Variants in CACNA1C observed in about 807,000 individuals in gnomAD.
CACNA1C encodes calcium voltage-gated channel subunit alpha1 C.
CACNA1C carries 30 observed loss-of-function variants against 229.0 expected under a neutral mutation model. The observed-to-expected ratio is 0.13, with a 90% CI of 0.10 to 0.18. The LOEUF (loss-of-function observed/expected upper bound fraction) is 0.18. Ranked by LOEUF, CACNA1C falls within the 10% of genes least tolerant of loss-of-function variation. The pLI is 1.00. For missense variants in CACNA1C, 1,658 were observed against 2,845.0 expected (o/e 0.58, Z 9.49); for synonymous variants, 1,114 against 1,132.5 (o/e 0.98, Z 0.33).
chr12:2,187,094 G>A (rs1002633146), intron 3 of CACNA1C, among the ~76,000 whole-genome samples: 3 of 152,138 alleles, frequency 2.0e-5, no homozygotes, highest in African/African-American at 4.8e-5. Context: ...ATGGTAAAAC[G>A]TTATCTTACA....
intron 3 of CACNA1C, among the ~76,000 whole-genome samples, chr12:2,200,565 G>T (rs562166494): frequency 5.9e-5 from 9 of 152,192 alleles, no homozygotes; most frequent in Non-Finnish European, 1.3e-4. Flanking sequence ...CCTTGTTCTG[G>T]AGTCTGAGGA....
intron 3 of CACNA1C, among the ~76,000 whole-genome samples, chr12:2,263,781 G>A (rs543514037): frequency 2.6e-5 from 4 of 152,192 alleles, no homozygotes; most frequent in East Asian, 3.9e-4. Context: ...ACCATGATCC[G>A]AGATGGGCAG....
At chr12:2,401,428 A>G (rs558156287) in intron 3 of CACNA1C, among the ~76,000 whole-genome samples, 1 of 152,360 alleles carries the variant, frequency 6.6e-6, no homozygotes, top group East Asian at 1.9e-4. Context: ...CCACGACCTC[A>G]TCTGATCATC....
At chr12:2,686,953 C>G (rs777604670) in intron 45 of CACNA1C, among the ~76,000 whole-genome samples, 9 of 152,180 alleles carry the variant, frequency 5.9e-5, no homozygotes, top group Non-Finnish European at 1.3e-4. Flanking sequence ...AAGTTATACT[C>G]TTTTATAGCA....
At chr12:2,276,727 G>T (rs1013041918) in intron 3 of CACNA1C, among the ~76,000 whole-genome samples, 3 of 152,174 alleles carry the variant, frequency 2.0e-5, no homozygotes, top group Admixed American at 6.5e-5. Flanking sequence ...TTCCCAACAG[G>T]ATAGTTTTTG....
intron 3 of CACNA1C, among the ~76,000 whole-genome samples, chr12:2,393,514 C>A (rs1462157054): frequency 6.6e-6 from 1 of 152,220 alleles, no homozygotes; most frequent in African/African-American, 2.4e-5. Context: ...CAGCCGAAAG[C>A]TTACCCCCAC....
At chr12:2,255,281 A>C (rs1374982952) in intron 3 of CACNA1C, among the ~76,000 whole-genome samples, 7 of 152,070 alleles carry the variant, frequency 4.6e-5, no homozygotes, top group Admixed American at 2.0e-4. Context: ...AAAAAAAAAA[A>C]AAAAACCTAG....
At chr12:2,179,501 C>T (rs1177578437) in intron 3 of CACNA1C, among the ~76,000 whole-genome samples, 2 of 152,178 alleles carry the variant, frequency 1.3e-5, no homozygotes, top group Admixed American at 6.5e-5. Context: ...CCACTCGATG[C>T]GTGATTAATA....
chr12:2,208,722 A>G (rs1237712514), intron 3 of CACNA1C, among the ~76,000 whole-genome samples: 1 of 152,186 alleles, frequency 6.6e-6, no homozygotes, highest in Admixed American at 6.5e-5. Context: ...ATTGGACCCC[A>G]GGGGTAGGTA....
chr12:1,994,859 G>A (rs1174496409), intron 1 of CACNA1C, among the ~76,000 whole-genome samples: 1 of 152,148 alleles, frequency 6.6e-6, no homozygotes, highest in East Asian at 1.9e-4. Flanking sequence ...ACTTCTGTAA[G>A]AGAAGTCAAA....
chr12:2,193,433 C>T (rs569930360), intron 3 of CACNA1C, among the ~76,000 whole-genome samples: 1 of 151,742 alleles, frequency 6.6e-6, no homozygotes, highest in African/African-American at 2.4e-5. Context: ...CCAGCCTGGG[C>T]AATCGAGCTA....
At chr12:2,522,077 TACAGC>T (rs1441923163) in intron 9 of CACNA1C, among the ~76,000 whole-genome samples, 1 of 152,202 alleles carries the variant, frequency 6.6e-6, no homozygotes, top group Admixed American at 6.5e-5. Flanking sequence ...TCCCTCTGCC[TACAGC>T]ACCTGTTTCC....
chr12:2,356,274 G>A (rs899371374), intron 3 of CACNA1C, among the ~76,000 whole-genome samples: 1 of 152,204 alleles, frequency 6.6e-6, no homozygotes, highest in Non-Finnish European at 1.5e-5. Context: ...CTCATTTATT[G>A]TGCATCTTAA....
rs2070255815 is a variant in CACNA1C at position 2,241,536 on chromosome 12, A to G, written c.477+121106A>G. 2.0e-5 allele frequency among the ~76,000 whole-genome samples: 3 copies of G among 152,214 alleles called. 1 individual carries two copies. Among genetic ancestry groups the G allele is most frequent in the East Asian group, 3.9e-4 (2 of 5,164 alleles). ...GGGAGTGGCAGGACCAGCTATGTGT[A>G]TTCTCATGCTCAAGTTCCTCTGGGT... On this transcript the variant is annotated intron_variant, in intron 3 of 46. Transcript: ENST00000399655.
intron 3 of CACNA1C, among the ~76,000 whole-genome samples, chr12:2,413,502 T>C (rs752740038): frequency 1.3e-5 from 2 of 152,212 alleles, no homozygotes; most frequent in African/African-American, 2.4e-5. Context: ...AATGTTAATT[T>C]ATTGGACCAG....
chr12:2,257,432 T>C (rs2078394740), intron 3 of CACNA1C, among the ~76,000 whole-genome samples: 1 of 152,188 alleles, frequency 6.6e-6, no homozygotes, highest in South Asian at 2.1e-4. Context: ...ATGAAATTGT[T>C]CCACTTCAGA....
chr12:2,460,805 G>C (rs1351291398), intron 5 of CACNA1C, among the ~76,000 whole-genome samples: 3 of 152,220 alleles, frequency 2.0e-5, no homozygotes, highest in African/African-American at 7.2e-5. Flanking sequence ...CAGCAACGGT[G>C]TCTGGTTTCC....
chr12:2,107,337 T>TCCTGAGGATTTCTCTCGCTTAG (rs1457777248), intron 1 of CACNA1C, among the ~76,000 whole-genome samples: 21 of 104,602 alleles, frequency 2.0e-4, no homozygotes, highest in Non-Finnish European at 2.9e-4. Flanking sequence ...AGCTGGGGTG[T>TCCTGAGGATTTCTCTCGCTTAG]GCTGAAACCA....
chr12:2,640,139 G>T, intron 30 of CACNA1C, among the ~76,000 whole-genome samples: 1 of 152,340 alleles, frequency 6.6e-6, no homozygotes, highest in Non-Finnish European at 1.5e-5. Context: ...GATGAAACCC[G>T]TGTGCTTACT....
Sources: gnomAD v4.1 joint callset for allele counts (sites outside exome capture counted in the v4.1 genomes callset) on GRCh38, gnomAD v4.1.1 for gene constraint, MANE v1.5 for transcripts, NCBI Gene and HGNC (gene_info 2026-07-23, HGNC 2026-07-21) for gene names.